PLCD3: variants seen among roughly 807,000 people sequenced by gnomAD.
PLCD3 encodes the protein 1-phosphatidylinositol 4,5-bisphosphate phosphodiesterase delta-3.
In PLCD3, 62 loss-of-function variants were observed where a neutral mutation model predicts 82.8. That is an observed-to-expected ratio of 0.75 (90% CI 0.61 to 0.93). The LOEUF (loss-of-function observed/expected upper bound fraction) is 0.93. Ranked by LOEUF, PLCD3 falls within the 40% of genes least tolerant of loss-of-function variation. PLCD3 has a pLI of 0.00. For missense variants in PLCD3, 1,023 were observed against 1,103.4 expected (o/e 0.93, Z 1.03); for synonymous variants, 478 against 471.8 (o/e 1.01, Z -0.17).
intron 10 of PLCD3, 121 bp downstream of exon 10, chr17:45,114,973 C>CCTCTTTG: frequency 7.3e-7 from 1 of 1,375,948 alleles, no homozygotes. Context: ...CAGCCCAGCC[C>CCTCTTTG]CTCTTTGGGG....
At chr17:45,130,774 A>T (rs1289227158) in intron 1 of PLCD3, among the ~76,000 whole-genome samples, 2 of 151,518 alleles carry the variant, frequency 1.3e-5, no homozygotes, top group Admixed American at 1.3e-4. Context: ...GGGGCTCCTG[A>T]TGCCCTCCAG....
At chr17:45,115,549 T>C in intron 8 of PLCD3, 59 bp from the exon 9 acceptor site, 1 of 1,481,968 alleles carries the variant, frequency 6.7e-7, no homozygotes, top group Non-Finnish European at 9.2e-7. Flanking sequence ...TGGCAGCCAG[T>C]CAGTCAGTTA....
chr17:45,115,316 T>TCC, intron 9 of PLCD3, 28 bp downstream of exon 9: 3 of 1,474,956 alleles, frequency 2.0e-6, no homozygotes, highest in South Asian at 2.5e-5. Flanking sequence ...TTCCCCCCCT[T>TCC]CCCCACCCCA....
Position 45,118,096 on chromosome 17 carries a change from C to T in PLCD3, c.1158G>A (p.Trp386Ter), listed in dbSNP as rs1300513985. 1.2e-6 allele frequency: 2 copies of T among 1,613,800 alleles called. No individual in the cohort carries two copies. The highest frequency in any genetic ancestry group is 2.7e-5 in the African/African-American group (2 of 74,932). Residue 386 changes from tryptophan (W) to a stop codon, truncating the protein, a stop_gained, in exon 7 of 15, where the codon TGG becomes TGA. Coordinates refer to ENST00000619929, the MANE Select transcript of PLCD3 (RefSeq NM_133373.5). LOFTEE classifies it high-confidence loss of function. This position sits in a 1 kb window ranked among gnomAD's most constrained non-coding sequence, Gnocchi z 4.1. ...QGCRCVELDC[W>*]EGPGGEPVIY... ...TGACGGGCTCCCCTCCTGGCCCCTC[C>T]CAGCAGTCCAGCTCCACGCAGCGGC... is the stretch of plus-strand genomic sequence containing the variant.
chr17:45,120,772 C>T, intron 3 of PLCD3, 130 bp downstream of exon 3: 1 of 1,159,792 alleles, frequency 8.6e-7, no homozygotes, highest in Non-Finnish European at 1.2e-6. Flanking sequence ...ACCAAGGGCT[C>T]CGACCCAGAC....
chr17:45,130,240 A>G (rs2054409241), intron 1 of PLCD3, among the ~76,000 whole-genome samples: 1 of 152,150 alleles, frequency 6.6e-6, no homozygotes, highest in African/African-American at 2.4e-5. Flanking sequence ...CACCTTGATG[A>G]GGTGCCCAGA....
At chr17:45,124,673 T>C (rs1216385657) in intron 1 of PLCD3, among the ~76,000 whole-genome samples, 2 of 152,226 alleles carry the variant, frequency 1.3e-5, no homozygotes, top group Admixed American at 1.3e-4. Flanking sequence ...CCAGTAGACA[T>C]TTATAGGTCC....
chr17:45,132,263 C>T lies in PLCD3; in HGVS notation c.148G>A (p.Ala50Thr). 1 of 1,275,384 alleles carries T rather than the reference C, an allele frequency of 7.8e-7. No homozygotes were observed. Among genetic ancestry groups the T allele is most frequent in the Non-Finnish European group, 9.9e-7 (1 of 1,010,030 alleles). The allele number at this position is 1,275,384 out of a possible 1,614,324, so 79.0% of individuals were successfully genotyped here. Residue 50 changes from alanine (A) to threonine (T), a missense_variant, in exon 1 of 15, where the codon GCG becomes ACG. By Grantham distance (58) the Ala-to-Thr change is moderately conservative. Around this residue, in one of 3 missense-constraint regions of PLCD3, gnomAD observed 448 missense variants for 406.3 expected, o/e 1.10. Transcript: ENST00000619929. The surrounding 1 kb of genome is among the most constrained non-coding windows in gnomAD (Gnocchi z 4.6). ...DGGTKRPGLR[A>T]LKKMGLTEDE... ...CGTCACTGACCCATCTTCTTCAGCGCCCGCAGCCCGGGCCTCTTGGTGCCG... is the reference window on the plus strand; with the variant it reads ...CGTCACTGACCCATCTTCTTCAGCGTCCGCAGCCCGGGCCTCTTGGTGCCG...
chr17:45,114,065 A>G (rs561895385), intron 11 of PLCD3, among the ~76,000 whole-genome samples, 185 bp downstream of exon 11: 1 of 152,128 alleles, frequency 6.6e-6, no homozygotes, highest in Admixed American at 6.5e-5. Flanking sequence ...AAAATGCGAG[A>G]CCTGTACACT....
Position 45,121,122 on chromosome 17 carries a change from G to A in PLCD3, c.334C>T (p.Gln112Ter). Residue 112 changes from glutamine (Q) to a stop codon, truncating the protein, a stop_gained, in exon 3 of 15, where the codon CAG (glutamine) becomes TAG (stop). Coordinates refer to ENST00000619929, the MANE Select transcript of PLCD3 (RefSeq NM_133373.5). LOFTEE classifies it high-confidence loss of function. ...CCCTCGCGGACCGCCTCGATGTGCT[G>A]CACGAAGACTGAGAGGAGGGCCGGG... Reference protein sequence around the residue: ...RAPSQHIFFVQHIEAVREGHQ... With the variant: ...RAPSQHIFFV 1.3e-6 allele frequency: 2 copies of A among 1,524,812 alleles called. No individual in the cohort carries two copies. Among genetic ancestry groups the A allele is most frequent in the Non-Finnish European group, 1.7e-6 (2 of 1,143,014 alleles). 94.5% of individuals were successfully genotyped at this position (1,524,812 alleles called of 1,614,324 possible).
In PLCD3 at chr17:45,115,348, C is replaced by A; in HGVS notation, c.1556G>T (p.Arg519Leu). 1.3e-6 allele frequency: 2 copies of A among 1,548,004 alleles called. No homozygotes were observed. Among genetic ancestry groups the A allele is most frequent in the Non-Finnish European group, 8.7e-7 (1 of 1,145,902 alleles). ...EEEVEAAAQRRLAKQISPELS... is the reference protein window; with the variant it reads ...EEEVEAAAQRLLAKQISPELS... ...CCCACCCATCCCAGCTCTCACCAGC[C>A]GCCTCTGCGCTGCAGCCTCCACCTC... Residue 519 changes from arginine to leucine, a missense_variant, in exon 9 of 15, where the codon CGG (arginine) becomes CTG (leucine). Around this residue, in one of 3 missense-constraint regions of PLCD3, gnomAD observed 553 missense variants for 655.7 expected, o/e 0.84. Coordinates refer to ENST00000619929, the MANE Select transcript of PLCD3 (RefSeq NM_133373.5).
chr17:45,120,358 G>A lies in PLCD3; in HGVS notation c.651C>T (p.Asp217=), dbSNP rs2054326424. The A allele has an allele frequency of 5.0e-6, 8 of 1,614,032 alleles. No homozygotes were observed. Among genetic ancestry groups the A allele is most frequent in the Non-Finnish European group, 6.8e-6 (8 of 1,179,878 alleles). ...GGAGGTAGGCGTACATGTCGTTCAT[G>A]TCCACGTTGACCATTCTCAGCAGGC... ...IKSLLRMVNV[D]MNDMYAYLLF... is the part of the protein sequence containing the mutation. The change falls in exon 4 of 15, where the codon GAC becomes GAT. Residue 217 remains aspartate (D), a synonymous_variant. Transcript: ENST00000619929.
chr17:45,126,114 G>C (rs2054379534), intron 1 of PLCD3, among the ~76,000 whole-genome samples: 1 of 150,814 alleles, frequency 6.6e-6, no homozygotes, highest in Non-Finnish European at 1.5e-5. Context: ...CACGAACTTG[G>C]CTCACTGCAA....
rs2054249478 is a variant in PLCD3 at position 45,112,352 on chromosome 17, G to C, written c.*264C>G. 1 of 510,698 alleles carries C rather than the reference G, an allele frequency of 2.0e-6. No individual in the cohort carries two copies. Among genetic ancestry groups the C allele is most frequent in the Non-Finnish European group, 3.6e-6 (1 of 280,944 alleles). 31.6% of individuals were successfully genotyped at this position (510,698 alleles called of 1,614,324 possible). A position where few individuals can be genotyped will look rare whatever the true frequency, so the allele number is the denominator to read the frequency against. ...CCTCATAAGTCACAATGAGGGGTGG[G>C]CTGAGGACAAGAGGAGCTGGGGCCA... On this transcript the variant is annotated 3_prime_UTR_variant, in exon 15 of 15. Transcript: ENST00000619929.
At chr17:45,121,701 C>A in intron 1 of PLCD3, among the ~76,000 whole-genome samples, 1 of 152,214 alleles carries the variant, frequency 6.6e-6, no homozygotes, top group Non-Finnish European at 1.5e-5. Context: ...CTAAAGGTTG[C>A]CCTTTCTGGC....
chr17:45,112,615 C>T lies in PLCD3; in HGVS notation c.*1G>A, dbSNP rs776110806. The T allele has an allele frequency of 6.3e-7, 1 of 1,596,640 alleles. No homozygotes were observed. Among genetic ancestry groups the T allele is most frequent in the Non-Finnish European group, 8.5e-7 (1 of 1,172,040 alleles). On this transcript the variant is annotated 3_prime_UTR_variant, in exon 15 of 15. Coordinates refer to ENST00000619929, the MANE Select transcript of PLCD3 (RefSeq NM_133373.5). ...AACCCCAAGGCGAGTGAGGTGGGCC[C>T]TCAGGAGCGCTGGATGCGGATTTGG...
At position 45,126,930 on chromosome 17, in the gene PLCD3, G is replaced by A. The variant is rs140787831; in HGVS notation, c.163+5318C>T. On this transcript the variant is annotated intron_variant, in intron 1 of 14. Coordinates refer to ENST00000619929, the MANE Select transcript of PLCD3 (RefSeq NM_133373.5). ...CAGCCTCTGCCTCCCAAAGTGCTCC[G>A]CACTGTGTACTTTCAATGGATAAAT... 8.8e-4 allele frequency among the ~76,000 whole-genome samples: 134 copies of A among 152,330 alleles called. 2 individuals are homozygous for A. The highest frequency in any genetic ancestry group is 4.2e-3 in the Admixed American group (65 of 15,298).
chr17:45,123,964 C>CCCCTT (rs767288821), intron 1 of PLCD3, among the ~76,000 whole-genome samples: 1 of 145,136 alleles, frequency 6.9e-6, no homozygotes, highest in Non-Finnish European at 1.5e-5. Flanking sequence ...AGACCCCCCC[C>CCCCTT]CCAACCAGGT....
rs183125952 is a variant in PLCD3, at chr17:45,116,795, A to G, written c.1261-11T>C. 1,648 of 1,575,890 alleles carry G rather than the reference A, an allele frequency of 1.0e-3. 24 individuals are homozygous for G. The Admixed American group carries it at 0.028, about 26-fold the overall frequency. ...AGGGTAAGGGGACAGCTGTGGGGGGAAGGGCAGCAGCTCAGAGCCACTCCC... is the reference window on the plus strand; with the variant it reads ...AGGGTAAGGGGACAGCTGTGGGGGGGAGGGCAGCAGCTCAGAGCCACTCCC... On this transcript the variant is annotated splice_polypyrimidine_tract_variant and intron_variant, in intron 7 of 14. Coordinates refer to ENST00000619929, the MANE Select transcript of PLCD3 (RefSeq NM_133373.5).
Sources: gnomAD v4.1 joint callset for allele counts (sites outside exome capture counted in the v4.1 genomes callset) on GRCh38, gnomAD v4.1.1 for gene constraint, gnomAD v4.1.1 regional missense constraint, Gnocchi (gnomAD v3.1) non-coding constraint, MANE v1.5 for transcripts, NCBI Gene and HGNC (gene_info 2026-07-23, HGNC 2026-07-21) for gene names.